The following CTNNA3 variants were observed in gnomAD, a reference collection of about 807,000 sequenced individuals.
The protein encoded by CTNNA3 is catenin alpha-3.
A neutral mutation model predicts 95.7 loss-of-function variants in CTNNA3; 76 were observed. That is an observed-to-expected ratio of 0.79 (90% CI 0.66 to 0.96). The LOEUF is 0.96. CTNNA3 is among the 40% of genes least tolerant of loss of function. The pLI, the probability that CTNNA3 is intolerant of heterozygous loss-of-function variation, is 0.00. For synonymous variants in CTNNA3, 431 were observed against 374.4 expected (o/e 1.15, Z -1.74); for missense variants, 1,191 against 1,089.8 (o/e 1.09, Z -1.31).
intron 5 of CTNNA3, among the ~76,000 whole-genome samples, chr10:67,331,690 A>G (rs922170580): frequency 6.6e-6 from 1 of 152,196 alleles, no homozygotes; most frequent in African/African-American, 2.4e-5. Context: ...GATGAGATAT[A>G]GTATCTTTCC....
intron 5 of CTNNA3, among the ~76,000 whole-genome samples, chr10:67,402,266 C>G (rs1227609492): frequency 6.6e-6 from 1 of 152,068 alleles, no homozygotes; most frequent in African/African-American, 2.4e-5. Flanking sequence ...ATTTCTTGAG[C>G]TGAAAAATTC....
intron 11 of CTNNA3, among the ~76,000 whole-genome samples, chr10:66,439,619 A>G (rs1438566978): frequency 2.0e-5 from 3 of 152,212 alleles, no homozygotes; most frequent in Non-Finnish European, 4.4e-5. Context: ...TATGTTACAC[A>G]TTAGATATAG....
intron 14 of CTNNA3, 105 bp from the exon 15 acceptor site, chr10:66,069,594 C>T: frequency 1.2e-6 from 1 of 800,638 alleles, no homozygotes; most frequent in Non-Finnish European, 1.9e-6. Context: ...CATTTAAAAT[C>T]AGAGGCACAA....
Position 66,585,357 on chromosome 10 carries a change from A to G in CTNNA3, c.1374+36335T>C, listed in dbSNP as rs141657145. Among the ~76,000 whole-genome samples the G allele has an allele frequency of 9.9e-5, 15 of 152,074 alleles. No homozygotes were observed. The East Asian group carries it at 2.3e-3, about 24-fold the overall frequency. ...TGTTTGGCCATTTTATATAATCCAC[A>G]TATTTCTTGAGACTTTCCTTCTTCT... On this transcript the variant is annotated intron_variant, in intron 10 of 17. Transcript: ENST00000433211.
chr10:66,330,916 T>A (rs2092318614), intron 12 of CTNNA3, among the ~76,000 whole-genome samples: 2 of 151,956 alleles, frequency 1.3e-5, no homozygotes, highest in African/African-American at 4.8e-5. Context: ...TTTGATGGGG[T>A]GGTTTGTTTT....
intron 7 of CTNNA3, among the ~76,000 whole-genome samples, chr10:66,787,701 A>C (rs1840805793): frequency 6.6e-6 from 1 of 152,204 alleles, no homozygotes; most frequent in African/African-American, 2.4e-5. Flanking sequence ...AGCAAAAGAT[A>C]TTCTTGTTTT....
intron 17 of CTNNA3, among the ~76,000 whole-genome samples, chr10:65,922,179 A>T (rs1321507519): frequency 6.6e-6 from 1 of 152,148 alleles, no homozygotes; most frequent in Non-Finnish European, 1.5e-5. Context: ...CCAATATGTG[A>T]TTATTTTTCG....
intron 7 of CTNNA3, among the ~76,000 whole-genome samples, chr10:66,822,023 CATT>C (rs1272974827): frequency 6.6e-6 from 1 of 150,784 alleles, no homozygotes; most frequent in African/African-American, 2.4e-5. Context: ...TTAACAACAT[CATT>C]ATTAATATAT....
chr10:67,726,363 AAT>A (rs1253594252), intron 1 of CTNNA3, among the ~76,000 whole-genome samples: 7 of 41,622 alleles, frequency 1.7e-4, no homozygotes, highest in Non-Finnish European at 1.8e-4. Flanking sequence ...TATATGATAT[AAT>A]ATATGATATT....
chr10:65,987,536 A>G (rs1247592187), intron 16 of CTNNA3, among the ~76,000 whole-genome samples: 1 of 152,056 alleles, frequency 6.6e-6, no homozygotes, highest in African/African-American at 2.4e-5. Flanking sequence ...AAATTCTGTC[A>G]AGAATGTAGA....
Position 67,074,403 on chromosome 10 carries a change from T to G in CTNNA3, c.1047+105914A>C, listed in dbSNP as rs550828084. ...TCTCGCTCTGTCGCCCAGGCTGAAG[T>G]GCAGTGGCACGATCTCGGCTCACTG... On this transcript the variant is annotated intron_variant, in intron 7 of 17. Transcript: ENST00000433211. Among the ~76,000 whole-genome samples the G allele has an allele frequency of 1.4e-4, 19 of 132,028 alleles. No individual in the cohort carries two copies. In the South Asian group the frequency reaches 4.8e-3, roughly 33 times the overall value. 86.6% of individuals were successfully genotyped at this position (132,028 alleles called of 152,430 possible). A position where few individuals can be genotyped will look rare whatever the true frequency, so the allele number is the denominator to read the frequency against.
At chr10:67,019,312 G>A (rs867084211) in intron 7 of CTNNA3, among the ~76,000 whole-genome samples, 8 of 152,092 alleles carry the variant, frequency 5.3e-5, no homozygotes, top group African/African-American at 1.2e-4. Context: ...TCTGCCTTCC[G>A]GGTCCAAGCG....
chr10:66,224,478 A>G (rs1228215201), intron 13 of CTNNA3, among the ~76,000 whole-genome samples: 1 of 152,194 alleles, frequency 6.6e-6, no homozygotes, highest in African/African-American at 2.4e-5. Context: ...CATGGTAACA[A>G]CGTGAAATAC....
At chr10:67,738,291 A>T (rs1841314465) in intron 1 of CTNNA3, among the ~76,000 whole-genome samples, 1 of 152,226 alleles carries the variant, frequency 6.6e-6, no homozygotes, top group African/African-American at 2.4e-5. Context: ...TCTGCTGGTG[A>T]TACCCAGGCA....
At position 66,093,882 on chromosome 10, in the gene CTNNA3, A is replaced by G. The variant is rs78793793; in HGVS notation, c.1977+9275T>C. On this transcript the variant is annotated intron_variant, in intron 14 of 17. Coordinates refer to ENST00000433211, the MANE Select transcript of CTNNA3 (RefSeq NM_013266.4). ...AGCCTCTCCTTATGTTCTTTCCTAT[A>G]TGACGTGATTCACATATGAATCTCC... 5.2e-4 allele frequency among the ~76,000 whole-genome samples: 79 copies of G among 152,220 alleles called. 2 individuals carry two copies. The East Asian group carries it at 0.015, about 29-fold the overall frequency.
At chr10:66,365,474 G>A (rs1346426501) in intron 12 of CTNNA3, among the ~76,000 whole-genome samples, 4 of 152,048 alleles carry the variant, frequency 2.6e-5, no homozygotes, top group Non-Finnish European at 5.9e-5. Flanking sequence ...ACCAGGGCAC[G>A]CGTATACCTA....
At chr10:67,030,210 C>T (rs1191107614) in intron 7 of CTNNA3, among the ~76,000 whole-genome samples, 1 of 152,166 alleles carries the variant, frequency 6.6e-6, no homozygotes, top group Admixed American at 6.5e-5. Flanking sequence ...TGCATTTTTA[C>T]ACTTAGCAGC....
At chr10:66,894,330 G>T (rs1845391612) in intron 7 of CTNNA3, among the ~76,000 whole-genome samples, 1 of 151,980 alleles carries the variant, frequency 6.6e-6, no homozygotes, top group African/African-American at 2.4e-5. Flanking sequence ...TCACTCTAAA[G>T]TCTATCCAGA....
chr10:66,136,445 CT>C (rs2083352876), intron 13 of CTNNA3, among the ~76,000 whole-genome samples: 1 of 151,184 alleles, frequency 6.6e-6, no homozygotes. Context: ...GCATAAGCTA[CT>C]TTTTACTAAA....
Sources: gnomAD v4.1 joint callset for allele counts (sites outside exome capture counted in the v4.1 genomes callset) on GRCh38, gnomAD v4.1.1 for gene constraint, MANE v1.5 for transcripts, NCBI Gene and HGNC (gene_info 2026-07-23, HGNC 2026-07-21) for gene names.